GPC5: variants seen among roughly 807,000 people sequenced by gnomAD.
The protein encoded by GPC5 is glypican-5.
GPC5 carries 47 observed loss-of-function variants against 53.9 expected under a neutral mutation model. The ratio of observed to expected loss-of-function variants is 0.87; its 90% CI spans 0.69 to 1.11. GPC5 has a LOEUF of 1.11. GPC5 is among the 50% of genes most tolerant of loss of function. The pLI is 0.00. For missense variants in GPC5, 748 were observed against 713.1 expected (o/e 1.05, Z -0.56); for synonymous variants, 286 against 263.3 (o/e 1.09, Z -0.84).
At chr13:91,985,142 G>A (rs977776099) in intron 6 of GPC5, among the ~76,000 whole-genome samples, 1 of 152,080 alleles carries the variant, frequency 6.6e-6, no homozygotes, top group Non-Finnish European at 1.5e-5. Flanking sequence ...TGTATTATTT[G>A]TTGTATGCAC....
chr13:92,020,486 A>AT (rs1301766197), intron 6 of GPC5, among the ~76,000 whole-genome samples: 8 of 150,612 alleles, frequency 5.3e-5, no homozygotes, highest in Admixed American at 1.3e-4. Flanking sequence ...ACACTTGTCT[A>AT]TTTTTTTTTC....
Position 92,077,852 on chromosome 13 carries a change from A to G in GPC5, c.1402-66978A>G, listed in dbSNP as rs76294643. Among the ~76,000 whole-genome samples the G allele has an allele frequency of 4.3e-4, 65 of 152,342 alleles. 1 individual carries two copies. The East Asian group carries it at 0.011, about 27-fold the overall frequency. Reference sequence around the variant, plus strand: ...GAAATGAAGCTGGAAATCTAACATCATAGCCTAATCCCTAAATACCCCACA... The same window carrying G: ...GAAATGAAGCTGGAAATCTAACATCGTAGCCTAATCCCTAAATACCCCACA... On this transcript the variant is annotated intron_variant, in intron 6 of 7. Coordinates refer to ENST00000377067, the MANE Select transcript of GPC5 (RefSeq NM_004466.6).
chr13:92,389,320 A>G (rs1335047301), intron 7 of GPC5, among the ~76,000 whole-genome samples: 1 of 152,120 alleles, frequency 6.6e-6, no homozygotes, highest in Non-Finnish European at 1.5e-5. Flanking sequence ...TGAGTTCTCA[A>G]AACAATCTTC....
At chr13:91,430,314 C>A (rs1879355259) in intron 1 of GPC5, among the ~76,000 whole-genome samples, 1 of 152,206 alleles carries the variant, frequency 6.6e-6, no homozygotes. Flanking sequence ...ATTAGCCACA[C>A]TGATAGCCAA....
At chr13:92,789,253 C>T (rs1195587237) in intron 7 of GPC5, among the ~76,000 whole-genome samples, 2 of 152,048 alleles carry the variant, frequency 1.3e-5, no homozygotes, top group Admixed American at 6.6e-5. Flanking sequence ...TTAGGGGGGT[C>T]AGTTGTCTTC....
chr13:91,642,344 C>T (rs2034450127), intron 2 of GPC5, among the ~76,000 whole-genome samples: 1 of 152,114 alleles, frequency 6.6e-6, no homozygotes, highest in Non-Finnish European at 1.5e-5. Flanking sequence ...GAGGCGTAAA[C>T]ACAGTGAAGA....
chr13:91,521,664 A>G (rs1470524804), intron 2 of GPC5, among the ~76,000 whole-genome samples: 2 of 152,210 alleles, frequency 1.3e-5, no homozygotes, highest in Non-Finnish European at 2.9e-5. Flanking sequence ...GAATTCTGCG[A>G]TGAAATGTGT....
chr13:92,050,883 T>C (rs934411537), intron 6 of GPC5, among the ~76,000 whole-genome samples: 5 of 152,200 alleles, frequency 3.3e-5, no homozygotes, highest in African/African-American at 1.2e-4. Context: ...CGTTTTTCTC[T>C]TGGAGTATAG....
At chr13:91,690,057 A>G (rs778446210) in intron 2 of GPC5, among the ~76,000 whole-genome samples, 17 of 152,222 alleles carry the variant, frequency 1.1e-4, no homozygotes, top group Non-Finnish European at 2.1e-4. Flanking sequence ...CTATGATGTT[A>G]TGATGGCTAT....
intron 1 of GPC5, among the ~76,000 whole-genome samples, chr13:91,433,814 C>G (rs1272949231): frequency 6.6e-6 from 1 of 152,060 alleles, no homozygotes; most frequent in Non-Finnish European, 1.5e-5. Flanking sequence ...TATAGTCCCA[C>G]CAACAGTGTA....
intron 7 of GPC5, among the ~76,000 whole-genome samples, chr13:92,648,262 T>A (rs1885840121): frequency 6.6e-6 from 1 of 152,060 alleles, no homozygotes; most frequent in African/African-American, 2.4e-5. Context: ...TTACTACAAA[T>A]GAAACCAATT....
At chr13:91,981,511 G>T (rs1342222893) in intron 6 of GPC5, among the ~76,000 whole-genome samples, 1 of 152,090 alleles carries the variant, frequency 6.6e-6, no homozygotes, top group Non-Finnish European at 1.5e-5. Flanking sequence ...GGATGGTCTC[G>T]ATCTCCTGAC....
intron 7 of GPC5, among the ~76,000 whole-genome samples, chr13:92,536,759 G>A (rs1490201282): frequency 6.6e-6 from 1 of 151,668 alleles, no homozygotes; most frequent in East Asian, 1.9e-4. Context: ...AAGTCTTTTG[G>A]TATAAATTTA....
intron 7 of GPC5, among the ~76,000 whole-genome samples, chr13:92,550,336 A>G (rs1345659433): frequency 6.6e-6 from 1 of 151,920 alleles, no homozygotes; most frequent in East Asian, 1.9e-4. Flanking sequence ...CTTTAGCCCC[A>G]AAGAATTATG....
At chr13:91,993,053 A>C (rs1013085780) in intron 6 of GPC5, among the ~76,000 whole-genome samples, 2 of 152,174 alleles carry the variant, frequency 1.3e-5, no homozygotes, top group South Asian at 4.1e-4. Context: ...TAAATTTCAA[A>C]ATTTTCTGTA....
intron 2 of GPC5, among the ~76,000 whole-genome samples, chr13:91,480,585 T>A (rs1774550493): frequency 6.6e-6 from 1 of 152,184 alleles, no homozygotes; most frequent in African/African-American, 2.4e-5. Context: ...GCACATAGAT[T>A]TCTATCAAGA....
rs71123435 is a variant in GPC5, at chr13:92,751,303, TAAAAAA to T, written c.1562-114952_1562-114947del. 5.2e-3 allele frequency among the ~76,000 whole-genome samples: 201 copies of T among 38,766 alleles called. 1 individual carries two copies. The highest frequency in any genetic ancestry group is 0.02 in the South Asian group (20 of 986). The allele number at this position is 38,766 out of a possible 152,430, so 25.4% of individuals were successfully genotyped here. ...AAACCTTTGGTCATCCAGAAACATT[TAAAAAA>T]AAAAAAAAAAAAAAAAAAAAAAAAA... On this transcript the variant is annotated intron_variant, in intron 7 of 7. Coordinates refer to ENST00000377067, the MANE Select transcript of GPC5 (RefSeq NM_004466.6).
chr13:91,660,982 G>A (rs933322934), intron 2 of GPC5, among the ~76,000 whole-genome samples: 6 of 152,118 alleles, frequency 3.9e-5, no homozygotes, highest in Non-Finnish European at 8.8e-5. Flanking sequence ...TGCTCTTGTG[G>A]AGCTTACATT....
At chr13:91,465,731 C>T (rs891962997) in intron 2 of GPC5, among the ~76,000 whole-genome samples, 4 of 152,110 alleles carry the variant, frequency 2.6e-5, no homozygotes, top group African/African-American at 9.7e-5. Context: ...TGCCTTTCTT[C>T]AGAGTACTTA....
Sources: gnomAD v4.1 joint callset for allele counts (sites outside exome capture counted in the v4.1 genomes callset) on GRCh38, gnomAD v4.1.1 for gene constraint, MANE v1.5 for transcripts, NCBI Gene and HGNC (gene_info 2026-07-23, HGNC 2026-07-21) for gene names.